The following CCDC7 variants were observed in gnomAD, a reference collection of about 807,000 sequenced individuals.
CCDC7 encodes coiled-coil domain containing 7.
In CCDC7, 183 loss-of-function variants were observed where a neutral mutation model predicts 196.9. The ratio of observed to expected loss-of-function variants is 0.93; its 90% CI spans 0.82 to 1.05. The LOEUF (loss-of-function observed/expected upper bound fraction) is 1.05, where lower values mean the gene tolerates loss of function less well. Ranked by LOEUF, CCDC7 falls within the 50% of genes least tolerant of loss-of-function variation. The pLI, the probability that CCDC7 is intolerant of heterozygous loss-of-function variation, is 0.00. For missense variants in CCDC7, 1,540 were observed against 1,482.2 expected, an observed-to-expected ratio of 1.04 and a Z score of -0.64; for synonymous variants, 525 against 484.6, an observed-to-expected ratio of 1.08 and a Z score of -1.10.
chr10:32,456,855 C>T (rs1213023451), intron 3 of CCDC7, among the ~76,000 whole-genome samples: 1 of 151,638 alleles, frequency 6.6e-6, no homozygotes, highest in Non-Finnish European at 1.5e-5. Context: ...ATTGCTTTTT[C>T]TGGCAATAGT....
chr10:32,620,621 G>A (rs1284922546), intron 18 of CCDC7, among the ~76,000 whole-genome samples: 1 of 152,078 alleles, frequency 6.6e-6, no homozygotes, highest in Non-Finnish European at 1.5e-5. Flanking sequence ...AGTATGGAGA[G>A]ACACTGCTAG....
intron 8 of CCDC7, among the ~76,000 whole-genome samples, chr10:32,476,587 C>G (rs952396793): frequency 8.8e-6 from 1 of 113,602 alleles, no homozygotes; most frequent in Non-Finnish European, 2.1e-5. Context: ...AGGAGCATGA[C>G]TGCTAAGTCA....
At chr10:32,505,478 A>G (rs2044772934) in intron 9 of CCDC7, among the ~76,000 whole-genome samples, 2 of 152,146 alleles carry the variant, frequency 1.3e-5, no homozygotes, top group Admixed American at 1.3e-4. Flanking sequence ...CACATGTTTC[A>G]GAGAGCACGG....
At chr10:32,864,122 G>A (rs1283729969) in intron 41 of CCDC7, among the ~76,000 whole-genome samples, 4 of 151,646 alleles carry the variant, frequency 2.6e-5, no homozygotes, top group Non-Finnish European at 4.4e-5. Context: ...CTAAACAGAC[G>A]TTTCTCTGAA....
At chr10:32,845,793 AC>A in intron 35 of CCDC7, 82 bp from the exon 37 acceptor site, 1 of 1,167,222 alleles carries the variant, frequency 8.6e-7, no homozygotes, top group Non-Finnish European at 1.3e-6. Context: ...ACACACACAC[AC>A]ATACACACAC....
intron 24 of CCDC7, among the ~76,000 whole-genome samples, chr10:32,703,318 T>C (rs1319289647): frequency 1.3e-5 from 2 of 152,052 alleles, no homozygotes; most frequent in East Asian, 1.9e-4. Context: ...AAAATTCTTT[T>C]CTTTATGAAT....
intron 30 of CCDC7, 21 bp from the exon 32 acceptor site, chr10:32,814,349 G>A: frequency 6.7e-7 from 1 of 1,484,966 alleles, no homozygotes; most frequent in Non-Finnish European, 9.4e-7. Flanking sequence ...ACAGTGTTTT[G>A]ATACCTGTTT....
At chr10:32,702,451 A>T (rs1052771100) in intron 24 of CCDC7, among the ~76,000 whole-genome samples, 1 of 151,998 alleles carries the variant, frequency 6.6e-6, no homozygotes, top group African/African-American at 2.4e-5. Flanking sequence ...TATGTGGTCA[A>T]TTTTCGAATA....
intron 24 of CCDC7, among the ~76,000 whole-genome samples, chr10:32,703,887 T>C (rs912612599): frequency 1.9e-4 from 29 of 152,130 alleles, no homozygotes; most frequent in Admixed American, 1.6e-3. Flanking sequence ...AGGACCTCTC[T>C]GCATTGGTTA....
intron 20 of CCDC7, among the ~76,000 whole-genome samples, chr10:32,642,033 TAGGTCATGTG>T (rs2066898040): frequency 6.6e-6 from 1 of 152,148 alleles, no homozygotes; most frequent in Non-Finnish European, 1.5e-5. Context: ...AGAGGAGTAC[TAGGTCATGTG>T]AGGTGTCAGT....
intron 9 of CCDC7, among the ~76,000 whole-genome samples, chr10:32,509,801 A>G (rs1186967505): frequency 1.3e-5 from 2 of 152,202 alleles, no homozygotes; most frequent in East Asian, 1.9e-4. Flanking sequence ...TATATCACCA[A>G]TCATCAGAGA....
chr10:32,608,659 G>A lies in CCDC7; in HGVS notation c.1801+24355G>A, dbSNP rs929631340. On this transcript the variant is annotated intron_variant, in intron 18 of 41. Transcript: ENST00000639629. ...AGGCTGAAGCAATTCTCTTGCCTCA[G>A]CCACCTGAATAGCCGGGACTACAGG... 8.5e-5 allele frequency among the ~76,000 whole-genome samples: 13 copies of A among 152,064 alleles called. No homozygotes were observed. The East Asian group carries it at 2.5e-3, about 29-fold the overall frequency.
At chr10:32,486,488 C>T (rs1008604138) in intron 8 of CCDC7, among the ~76,000 whole-genome samples, 1 of 147,296 alleles carries the variant, frequency 6.8e-6, no homozygotes, top group African/African-American at 2.5e-5. Flanking sequence ...GAGCATTTAG[C>T]CCATTTACAT....
chr10:32,551,534 G>C (rs2053477831), intron 13 of CCDC7, among the ~76,000 whole-genome samples: 1 of 151,984 alleles, frequency 6.6e-6, no homozygotes, highest in Admixed American at 6.6e-5. Context: ...TACACTTTTA[G>C]GGCTATGAAC....
intron 8 of CCDC7, among the ~76,000 whole-genome samples, chr10:32,483,728 T>C (rs9417994): frequency 0.93 from 141,663 of 152,240 alleles, 66,712 homozygotes; most frequent in East Asian, 1. Flanking sequence ...AGCCAGTTTT[T>C]CCAGCACCGT....
intron 21 of CCDC7, chr10:32,675,806 T>A (rs1328245170): frequency 6.6e-6 from 1 of 152,176 alleles, no homozygotes; most frequent in Non-Finnish European, 1.5e-5. Context: ...ATGGCCATAC[T>A]GCCCAAGGTA....
At chr10:32,706,739 G>A (rs1048236042) in intron 24 of CCDC7, among the ~76,000 whole-genome samples, 3 of 152,082 alleles carry the variant, frequency 2.0e-5, no homozygotes, top group Non-Finnish European at 4.4e-5. Context: ...ATAAATTCCT[G>A]GACACATATG....
chr10:32,593,730 G>A (rs903654153), intron 18 of CCDC7, among the ~76,000 whole-genome samples: 1 of 152,142 alleles, frequency 6.6e-6, no homozygotes, highest in African/African-American at 2.4e-5. Flanking sequence ...TTTGTATAAG[G>A]TGTAAGGAAG....
At chr10:32,766,695 C>G (rs2078356558) in intron 28 of CCDC7, among the ~76,000 whole-genome samples, 2 of 152,032 alleles carry the variant, frequency 1.3e-5, no homozygotes, top group Non-Finnish European at 2.9e-5. Flanking sequence ...TGTTGTCTGA[C>G]CCTCCAAATA....
Sources: gnomAD v4.1 joint callset for allele counts (sites outside exome capture counted in the v4.1 genomes callset) on GRCh38, gnomAD v4.1.1 for gene constraint, MANE v1.5 for transcripts, NCBI Gene and HGNC (gene_info 2026-07-23, HGNC 2026-07-21) for gene names.